ZNF175: variants seen among roughly 807,000 people sequenced by gnomAD.
The protein encoded by ZNF175 is zinc finger protein 175, also known as zinc finger protein OTK18.
In ZNF175, 8 loss-of-function variants were observed where a neutral mutation model predicts 14.0. The observed-to-expected ratio is 0.57, with a 90% CI of 0.34 to 1.03. The LOEUF (loss-of-function observed/expected upper bound fraction) is 1.03, where lower values mean the gene tolerates loss of function less well. Ranked by LOEUF, ZNF175 falls within the 50% of genes least tolerant of loss-of-function variation. The pLI, the probability that ZNF175 is intolerant of heterozygous loss-of-function variation, is 0.03. For synonymous variants in ZNF175, 255 were observed against 296.8 expected (o/e 0.86, Z 1.45); for missense variants, 764 against 849.5 (o/e 0.90, Z 1.25).
chr19:51,577,302 T>C (rs1489569987), intron 2 of ZNF175, among the ~76,000 whole-genome samples: 2 of 152,194 alleles, frequency 1.3e-5, no homozygotes, highest in Non-Finnish European at 2.9e-5. Flanking sequence ...ACCACACACA[T>C]ATAGTCTCTC....
rs1982223577 is a variant in ZNF175, at chr19:51,587,885, G to A, written c.1554G>A (p.Leu518=). ...AAACCTTCACCCAAAAGTCACACCT[G>A]AATATACACCAGAAAATTCATACTG... ...CGKTFTQKSH[L]NIHQKIHTGE... is the part of the protein sequence containing the mutation. Residue 518 remains leucine (L), a synonymous_variant, in exon 5 of 5, where the codon CTG becomes CTA. Transcript: ENST00000262259. The A allele has an allele frequency of 1.2e-6, 2 of 1,613,926 alleles. No individual in the cohort carries two copies. The highest frequency in any genetic ancestry group is 1.7e-6 in the Non-Finnish European group (2 of 1,179,986).
Position 51,580,388 on chromosome 19 carries a change from A to G in ZNF175, c.73-1003A>G, listed in dbSNP as rs1981957930. ...TATTGTCAGCCTACTCCTCCATTATAAAGACCCATCAGTCTTTCATATGGT... is the reference window on the plus strand; with the variant it reads ...TATTGTCAGCCTACTCCTCCATTATGAAGACCCATCAGTCTTTCATATGGT... On this transcript the variant is annotated intron_variant, in intron 2 of 4. Coordinates refer to ENST00000262259, the MANE Select transcript of ZNF175 (RefSeq NM_007147.4). 3.9e-5 allele frequency among the ~76,000 whole-genome samples: 6 copies of G among 152,134 alleles called. No individual in the cohort carries two copies. The South Asian group carries it at 1.0e-3, about 26-fold the overall frequency.
chr19:51,582,075 T>C (rs971835973), intron 4 of ZNF175, among the ~76,000 whole-genome samples, 193 bp downstream of exon 4: 3 of 152,172 alleles, frequency 2.0e-5, no homozygotes, highest in African/African-American at 7.2e-5. Flanking sequence ...GAATTTTCCA[T>C]TGGTGAATAC....
intron 4 of ZNF175, 73 bp downstream of exon 4, chr19:51,581,955 T>C (rs1982021817): frequency 9.6e-6 from 13 of 1,360,308 alleles, no homozygotes; most frequent in Non-Finnish European, 1.3e-5. Flanking sequence ...TACTTTTCTA[T>C]TCCCTCCATT....
rs1177584959 is a variant in ZNF175 at position 51,581,832 on chromosome 19, A to G, written c.245A>G (p.Glu82Gly). ...GAGGTCATCTTCAGAATGCTAAAAG[A>G]AAAGGAGCCGCGTGTGGAGGAGGCT... The part of the protein sequence containing the change: ...NPEVIFRMLK[E>G]KEPRVEEAEV... Residue 82 changes from glutamate to glycine, a missense_variant, in exon 4 of 5, where the codon GAA (glutamate) becomes GGA (glycine). Glu to Gly is a moderately conservative substitution (Grantham distance 98, BLOSUM62 -2). Transcript: ENST00000262259. The G allele has an allele frequency of 3.7e-6, 6 of 1,613,876 alleles. No homozygotes were observed. Among genetic ancestry groups the G allele is most frequent in the Non-Finnish European group, 5.1e-6 (6 of 1,179,910 alleles).
Position 51,591,087 on chromosome 19 carries a change from G to A in ZNF175, c.*2620G>A, listed in dbSNP as rs970272403. On this transcript the variant is annotated 3_prime_UTR_variant, in exon 5 of 5. Transcript: ENST00000262259. ...GGGCCTCCCTAACTGTCCCCCTCAG[G>A]GCAAGCCCTTCCTCCCCACTTCCAG... 1.3e-5 allele frequency: 2 copies of A among 152,756 alleles called. No individual in the cohort carries two copies. The highest frequency in any genetic ancestry group is 1.3e-4 in the Admixed American group (2 of 15,268). The allele number at this position is 152,756 out of a possible 1,614,324, so 9.5% of individuals were successfully genotyped here. A position where few individuals can be genotyped will look rare whatever the true frequency, so the allele number is the denominator to read the frequency against.
chr19:51,573,702 TCTG>T (rs1190297910), intron 2 of ZNF175: 2 of 440,814 alleles, frequency 4.5e-6, no homozygotes, highest in Non-Finnish European at 7.9e-6. Flanking sequence ...AAGCACTGGT[TCTG>T]CTCCTTCATC....
At position 51,588,099 on chromosome 19, in the gene ZNF175, A is replaced by G; in HGVS notation, c.1768A>G (p.Thr590Ala). The G allele has an allele frequency of 6.2e-7, 1 of 1,614,068 alleles. No homozygotes were observed. Among genetic ancestry groups the G allele is most frequent in the Non-Finnish European group, 8.5e-7 (1 of 1,179,996 alleles). ...CACGGGTGAGAAACCCTATGTGTGC[A>G]CTGAATGTGGGAAGGCCTTCAACGG... ...IHTGEKPYVCTECGKAFNGRS... is the reference protein window; with the variant it reads ...IHTGEKPYVCAECGKAFNGRS... The change falls in exon 5 of 5, where the codon ACT becomes GCT. Residue 590 changes from threonine to alanine, a missense_variant. Coordinates refer to ENST00000262259, the MANE Select transcript of ZNF175 (RefSeq NM_007147.4).
chr19:51,583,574 C>T (rs1410227532), intron 4 of ZNF175, among the ~76,000 whole-genome samples: 2 of 152,014 alleles, frequency 1.3e-5, no homozygotes, highest in African/African-American at 2.4e-5. Flanking sequence ...CAATTTTGTT[C>T]CCAGTGAGAT....
At chr19:51,575,917 T>C (rs550703898) in intron 2 of ZNF175, among the ~76,000 whole-genome samples, 9 of 152,322 alleles carry the variant, frequency 5.9e-5, no homozygotes, top group Admixed American at 1.3e-4. Context: ...TTGTTTGTGA[T>C]TATGACTGTG....
chr19:51,589,292 C>A lies in ZNF175; in HGVS notation c.*825C>A, dbSNP rs903249573. 2 of 486,054 alleles carry A rather than the reference C, an allele frequency of 4.1e-6. No individual in the cohort carries two copies. The highest frequency in any genetic ancestry group is 3.6e-6 in the Non-Finnish European group (1 of 278,934). 30.1% of individuals were successfully genotyped at this position (486,054 alleles called of 1,614,324 possible). A position where few individuals can be genotyped will look rare whatever the true frequency, so the allele number is the denominator to read the frequency against. ...TGCGTATGTATGTATGTATGTATGC[C>A]CTCAGTGCAGTGGGGTTTGCTGCAG... On this transcript the variant is annotated 3_prime_UTR_variant, in exon 5 of 5. Coordinates refer to ENST00000262259, the MANE Select transcript of ZNF175 (RefSeq NM_007147.4).
intron 2 of ZNF175, among the ~76,000 whole-genome samples, chr19:51,577,892 T>C (rs1235014950): frequency 1.3e-5 from 2 of 151,414 alleles, no homozygotes; most frequent in Non-Finnish European, 2.9e-5. Context: ...CTCAATCTCC[T>C]GACCTCGTGA....
In ZNF175 at chr19:51,592,273, T is replaced by C. The variant is rs953175749; in HGVS notation, c.*3806T>C. 1.4e-5 allele frequency: 3 copies of C among 220,062 alleles called. No individual in the cohort carries two copies. Among genetic ancestry groups the C allele is most frequent in the Non-Finnish European group, 2.7e-5 (3 of 112,178 alleles). The allele number at this position is 220,062 out of a possible 1,614,324, so 13.6% of individuals were successfully genotyped here. A position where few individuals can be genotyped will look rare whatever the true frequency, so the allele number is the denominator to read the frequency against. On this transcript the variant is annotated 3_prime_UTR_variant, in exon 5 of 5. Transcript: ENST00000262259. ...ATGCTACACATCCCAGCTCTGCCCC[T>C]CGCTAGTTTGGTGGCAAGCAACTTA...
chr19:51,588,555 T>G lies in ZNF175; in HGVS notation c.*88T>G. 1 of 1,402,838 alleles carries G rather than the reference T, an allele frequency of 7.1e-7. No individual in the cohort carries two copies. The highest frequency in any genetic ancestry group is 9.4e-7 in the Non-Finnish European group (1 of 1,059,834). 86.9% of individuals were successfully genotyped at this position (1,402,838 alleles called of 1,614,324 possible). ...ATCTTCTCAGAATCAGGTCTAATTA[T>G]ATGTTATTGAATTCATGCTTCAGAA... On this transcript the variant is annotated 3_prime_UTR_variant, in exon 5 of 5. Coordinates refer to ENST00000262259, the MANE Select transcript of ZNF175 (RefSeq NM_007147.4).
chr19:51,573,232 T>A lies in ZNF175; in HGVS notation c.-98T>A, dbSNP rs1981651716. The A allele has an allele frequency of 1.7e-6, 2 of 1,181,084 alleles. No individual in the cohort carries two copies. Among genetic ancestry groups the A allele is most frequent in the East Asian group, 4.7e-5 (2 of 42,698 alleles). The allele number at this position is 1,181,084 out of a possible 1,614,324, so 73.2% of individuals were successfully genotyped here. ...TAGCCCAGTACGACTCTCCGCCGTG[T>A]CCCTGGTTGGAAAATCCAAACACCT... is the stretch of plus-strand genomic sequence containing the variant. On this transcript the variant is annotated 5_prime_UTR_variant, in exon 2 of 5. Coordinates refer to ENST00000262259, the MANE Select transcript of ZNF175 (RefSeq NM_007147.4).
chr19:51,583,460 G>T (rs1405412807), intron 4 of ZNF175, among the ~76,000 whole-genome samples: 1 of 151,882 alleles, frequency 6.6e-6, no homozygotes, highest in Non-Finnish European at 1.5e-5. Context: ...TATTACTTTG[G>T]AATTCTTACC....
Position 51,586,919 on chromosome 19 carries a change from G to A in ZNF175, c.588G>A (p.Gln196=). Residue 196 remains glutamine (Q), a synonymous_variant, in exon 5 of 5, where the codon CAG becomes CAA. Coordinates refer to ENST00000262259, the MANE Select transcript of ZNF175 (RefSeq NM_007147.4). ...PHLASSQKQP[Q]KCCLFTESLK... Reference sequence around the variant, plus strand: ...TTGCTTCTTCACAGAAACAACCTCAGAAATGTTGCTTATTTACAGAAAGTT... The same window carrying A: ...TTGCTTCTTCACAGAAACAACCTCAAAAATGTTGCTTATTTACAGAAAGTT... 6.2e-7 allele frequency: 1 copy of A among 1,614,196 alleles called. No homozygotes were observed. Among genetic ancestry groups the A allele is most frequent in the Non-Finnish European group, 8.5e-7 (1 of 1,180,030 alleles).
rs115036737 is a variant in ZNF175 at position 51,573,690 on chromosome 19, C to T, written c.72+289C>T. The T allele has an allele frequency of 2.1e-4, 97 of 458,226 alleles. No homozygotes were observed. In the Middle Eastern group the frequency reaches 2.1e-3, roughly 10 times the overall value. The allele number at this position is 458,226 out of a possible 1,614,324, so 28.4% of individuals were successfully genotyped here. The stretch of plus-strand genomic sequence containing the variant: ...GGATGGAAAAGCTGACTCTTTCCTG[C>T]TAAGCACTGGTTCTGCTCCTTCATC... On this transcript the variant is annotated intron_variant, in intron 2 of 4. Transcript: ENST00000262259.
chr19:51,589,540 T>G lies in ZNF175; in HGVS notation c.*1073T>G. The G allele has an allele frequency of 1.4e-6, 1 of 701,938 alleles. No homozygotes were observed. Among genetic ancestry groups the G allele is most frequent in the Non-Finnish European group, 2.6e-6 (1 of 384,716 alleles). 43.5% of individuals were successfully genotyped at this position (701,938 alleles called of 1,614,324 possible). A position where few individuals can be genotyped will look rare whatever the true frequency, so the allele number is the denominator to read the frequency against. ...GATCTTTATATTACAGATTTTCTCT[T>G]CTTTTAGGATTAGCTCAGCTTGCCC... On this transcript the variant is annotated 3_prime_UTR_variant, in exon 5 of 5. Coordinates refer to ENST00000262259, the MANE Select transcript of ZNF175 (RefSeq NM_007147.4).
Sources: allele counts gnomAD v4.1 joint callset (sites outside exome capture counted in the v4.1 genomes callset), GRCh38; gene constraint gnomAD v4.1.1; transcripts MANE v1.5; gene names NCBI Gene and HGNC (gene_info 2026-07-23, HGNC 2026-07-21).